USP12: variants seen among roughly 807,000 people sequenced by gnomAD.
The protein encoded by USP12 is ubiquitin carboxyl-terminal hydrolase 12.
Under a neutral mutation model 45.5 loss-of-function variants are expected in USP12, and 19 were observed. The ratio of observed to expected loss-of-function variants is 0.42; its 90% CI spans 0.29 to 0.61. The LOEUF is 0.61. Ranked by LOEUF, USP12 falls within the 20% of genes least tolerant of loss-of-function variation. USP12 has a pLI of 0.22. For missense variants in USP12, 242 were observed against 447.7 expected (o/e 0.54, Z 4.15); for synonymous variants, 149 against 148.8 (o/e 1.00, Z -0.01).
At chr13:27,124,208 A>C (rs1466349330) in intron 1 of USP12, among the ~76,000 whole-genome samples, 1 of 152,242 alleles carries the variant, frequency 6.6e-6, no homozygotes, top group Non-Finnish European at 1.5e-5. Flanking sequence ...ACTAACAACC[A>C]GGAATGTTTT....
chr13:27,088,140 G>A (rs1296036482), intron 6 of USP12, among the ~76,000 whole-genome samples: 1 of 152,226 alleles, frequency 6.6e-6, no homozygotes, highest in African/African-American at 2.4e-5. Context: ...CCTGCTTGCG[G>A]CCGGGCGCAG....
chr13:27,117,743 C>G (rs755420728), intron 1 of USP12: 1 of 518,120 alleles, frequency 1.9e-6, no homozygotes, highest in Non-Finnish European at 3.9e-6. Context: ...GGAGAAAAAA[C>G]AAAATTCAAG....
intron 8 of USP12, among the ~76,000 whole-genome samples, chr13:27,070,800 G>A (rs1222504545): frequency 2.0e-5 from 3 of 152,112 alleles, no homozygotes; most frequent in African/African-American, 2.4e-5. Context: ...TGATCCGCCC[G>A]CCTCAGCCTC....
chr13:27,134,875 C>A (rs1331654172), intron 1 of USP12, among the ~76,000 whole-genome samples: 1 of 152,242 alleles, frequency 6.6e-6, no homozygotes, highest in East Asian at 1.9e-4. Context: ...CTGACACCAT[C>A]AAAAATGAAT....
chr13:27,083,715 T>C (rs1873869094), intron 6 of USP12, among the ~76,000 whole-genome samples: 2 of 152,192 alleles, frequency 1.3e-5, no homozygotes, highest in Admixed American at 1.3e-4. Context: ...TTCCTTTATT[T>C]TGTGAGTCTT....
intron 6 of USP12, among the ~76,000 whole-genome samples, chr13:27,087,657 G>C (rs990128557): frequency 3.9e-5 from 6 of 152,198 alleles, no homozygotes; most frequent in African/African-American, 1.4e-4. Flanking sequence ...TCCCCTAAGA[G>C]AAACCAGGGC....
chr13:27,075,572 T>TA (rs1873440445), intron 6 of USP12, among the ~76,000 whole-genome samples, 184 bp from the exon 7 acceptor site: 1 of 152,222 alleles, frequency 6.6e-6, no homozygotes, highest in Admixed American at 6.5e-5. Context: ...CTGAACATCT[T>TA]AATATGACCC....
intron 2 of USP12, among the ~76,000 whole-genome samples, chr13:27,108,390 G>C (rs1466563335): frequency 2.0e-5 from 3 of 151,316 alleles, no homozygotes; most frequent in East Asian, 3.9e-4. Context: ...TTGTGGGGTG[G>C]GGGGAGAGGG....
At chr13:27,150,945 GAA>G (rs1877538285) in intron 1 of USP12, among the ~76,000 whole-genome samples, 1 of 152,098 alleles carries the variant, frequency 6.6e-6, no homozygotes, top group Non-Finnish European at 1.5e-5. Context: ...GCAACACCCA[GAA>G]AACTCTTAAA....
chr13:27,114,028 AAAGATTCTG>A (rs1875593337), intron 2 of USP12, among the ~76,000 whole-genome samples: 1 of 152,240 alleles, frequency 6.6e-6, no homozygotes, highest in Admixed American at 6.5e-5. Context: ...ATTTTATAAT[AAAGATTCTG>A]AAGGGAAAGC....
intron 6 of USP12, among the ~76,000 whole-genome samples, chr13:27,082,284 G>A (rs1873795255): frequency 1.3e-5 from 2 of 152,170 alleles, no homozygotes; most frequent in South Asian, 4.1e-4. Context: ...ATCTCATGGA[G>A]ACAGCTTCTT....
chr13:27,124,317 G>T (rs1329538153), intron 1 of USP12, among the ~76,000 whole-genome samples: 1 of 152,052 alleles, frequency 6.6e-6, no homozygotes, highest in African/African-American at 2.4e-5. Context: ...GCTAAAAAAT[G>T]GTGTCTATGA....
intron 1 of USP12, among the ~76,000 whole-genome samples, chr13:27,169,316 G>A (rs1878481558): frequency 6.6e-6 from 1 of 152,184 alleles, no homozygotes; most frequent in Non-Finnish European, 1.5e-5. Context: ...ACACTCGCCA[G>A]ACAAGAAGGA....
intron 1 of USP12, among the ~76,000 whole-genome samples, chr13:27,153,505 A>G (rs1877679611): frequency 6.6e-6 from 1 of 152,220 alleles, no homozygotes; most frequent in African/African-American, 2.4e-5. Context: ...GGGAATGACA[A>G]GAGTGGAAAC....
At chr13:27,108,033 G>A (rs1875229222) in intron 2 of USP12, among the ~76,000 whole-genome samples, 1 of 152,082 alleles carries the variant, frequency 6.6e-6, no homozygotes, top group Admixed American at 6.6e-5. Context: ...CCATTACTGG[G>A]TATATACCCA....
chr13:27,166,264 A>G (rs1878341467), intron 1 of USP12, among the ~76,000 whole-genome samples: 1 of 152,250 alleles, frequency 6.6e-6, no homozygotes, highest in African/African-American at 2.4e-5. Flanking sequence ...AAGAGAAACC[A>G]AAACAAAATT....
At chr13:27,122,178 C>G (rs1221471222) in intron 1 of USP12, among the ~76,000 whole-genome samples, 1 of 152,132 alleles carries the variant, frequency 6.6e-6, no homozygotes, top group Non-Finnish European at 1.5e-5. Flanking sequence ...TGTGTCCCCA[C>G]ACAAATCTCA....
Position 27,105,865 on chromosome 13 carries a change from T to C in USP12, c.209A>G (p.Tyr70Cys), listed in dbSNP as rs774497100. The C allele has an allele frequency of 1.6e-5, 26 of 1,613,836 alleles. No homozygotes were observed. The highest frequency in any genetic ancestry group is 2.2e-5 in the South Asian group (2 of 91,068). The part of the protein sequence containing the change: ...CRPFREKVLA[Y>C]KSQPRKKESL... ...CTCCTTTTTCCTAGGTTGACTCTTA[T>C]ACGCAAGAACTTTTTCCCGAAATGG... The change falls in exon 3 of 9, where the codon TAT becomes TGT. Residue 70 changes from tyrosine to cysteine, a missense_variant. By Grantham distance (194) the Tyr-to-Cys change is radical. Coordinates refer to ENST00000282344, the MANE Select transcript of USP12 (RefSeq NM_182488.4).
At chr13:27,160,408 G>C (rs1293065100) in intron 1 of USP12, among the ~76,000 whole-genome samples, 2 of 150,346 alleles carry the variant, frequency 1.3e-5, no homozygotes, top group African/African-American at 4.9e-5. Context: ...CCCCGTGGAG[G>C]AGATATAAGC....
Sources: gnomAD v4.1 joint callset for allele counts (sites outside exome capture counted in the v4.1 genomes callset) on GRCh38, gnomAD v4.1.1 for gene constraint, MANE v1.5 for transcripts, NCBI Gene and HGNC (gene_info 2026-07-23, HGNC 2026-07-21) for gene names.